The following ANKRD55 variants were observed in gnomAD, a reference collection of about 807,000 sequenced individuals.
ANKRD55 encodes ankyrin repeat domain 55, also known as ankyrin repeat domain-containing protein 55.
Under a neutral mutation model 60.6 loss-of-function variants are expected in ANKRD55, and 41 were observed. The observed-to-expected ratio is 0.68, with a 90% confidence interval of 0.53 to 0.88. The LOEUF is 0.88. ANKRD55 is among the 40% of genes least tolerant of loss of function. The probability of loss-of-function intolerance (pLI) is 0.00; values close to 1 mark genes in which losing one functional copy is unlikely to be tolerated. For missense variants in ANKRD55, 732 were observed against 767.6 expected, an observed-to-expected ratio of 0.95 and a Z score of 0.55; for synonymous variants, 264 against 290.3, an observed-to-expected ratio of 0.91 and a Z score of 0.92.
At chr5:56,133,925 A>G (rs1259618284) in intron 7 of ANKRD55, among the ~76,000 whole-genome samples, 2 of 114,356 alleles carry the variant, frequency 1.7e-5, no homozygotes, top group Non-Finnish European at 4.1e-5. Flanking sequence ...ATCCAAAATA[A>G]GCAGAAGAAA....
intron 10 of ANKRD55, among the ~76,000 whole-genome samples, 196 bp from the exon 11 acceptor site, chr5:56,102,782 G>T (rs903737563): frequency 1.3e-5 from 2 of 151,756 alleles, no homozygotes; most frequent in African/African-American, 4.8e-5. Context: ...GATAGAAAAA[G>T]GTACTAGAAA....
At chr5:56,109,001 C>T (rs930754648) in intron 10 of ANKRD55, among the ~76,000 whole-genome samples, 1 of 151,890 alleles carries the variant, frequency 6.6e-6, no homozygotes, top group South Asian at 2.1e-4. Flanking sequence ...CATGCCACTA[C>T]ACTCCAGCCT....
chr5:56,201,237 G>A (rs764261537), intron 2 of ANKRD55, among the ~76,000 whole-genome samples: 39 of 152,210 alleles, frequency 2.6e-4, no homozygotes, highest in Admixed American at 8.5e-4. Context: ...ACAAAGTGGC[G>A]TCTTTCCACC....
chr5:56,193,620 GAA>G (rs1581013230), intron 2 of ANKRD55: 2 of 308,798 alleles, frequency 6.5e-6, no homozygotes, highest in East Asian at 1.6e-4. Context: ...GCACAAAAGT[GAA>G]GTCAGGAAAC....
chr5:56,122,938 G>A (rs2111709041), intron 8 of ANKRD55, among the ~76,000 whole-genome samples: 1 of 151,894 alleles, frequency 6.6e-6, no homozygotes, highest in Middle Eastern at 3.4e-3. Context: ...GCTAATGTTT[G>A]TATTTTTTGT....
At chr5:56,108,289 C>G (rs541097254) in intron 10 of ANKRD55, 1 of 152,130 alleles carries the variant, frequency 6.6e-6, no homozygotes, top group Non-Finnish European at 1.5e-5. Context: ...GTCTTTGGAA[C>G]GGAAAAAGAA....
At chr5:56,163,459 A>G (rs1758380065) in intron 5 of ANKRD55, among the ~76,000 whole-genome samples, 1 of 152,080 alleles carries the variant, frequency 6.6e-6, no homozygotes, top group South Asian at 2.1e-4. Flanking sequence ...CTACACCCCC[A>G]TCAGCCAAGT....
intron 5 of ANKRD55, among the ~76,000 whole-genome samples, chr5:56,170,331 T>C (rs890334670): frequency 6.6e-6 from 1 of 152,348 alleles, no homozygotes; most frequent in East Asian, 1.9e-4. Flanking sequence ...GACTCTGTTT[T>C]ATTTACTGTA....
intron 2 of ANKRD55, among the ~76,000 whole-genome samples, chr5:56,199,493 A>G (rs548741494): frequency 2.6e-5 from 4 of 151,960 alleles, no homozygotes; most frequent in Non-Finnish European, 5.9e-5. Context: ...AGTCAGAAAA[A>G]TGTATTTTTA....
chr5:56,106,506 C>A (rs549858145), intron 10 of ANKRD55, among the ~76,000 whole-genome samples: 5 of 148,612 alleles, frequency 3.4e-5, no homozygotes, highest in Admixed American at 2.7e-4. Flanking sequence ...TCACTGCAAC[C>A]TCTGCCTCCT....
chr5:56,154,882 C>T (rs1478253385), intron 6 of ANKRD55, among the ~76,000 whole-genome samples: 1 of 152,106 alleles, frequency 6.6e-6, no homozygotes, highest in Non-Finnish European at 1.5e-5. Flanking sequence ...AGCCGTGGAG[C>T]CGGGCCTCAA....
chr5:56,126,463 C>T (rs1027949921), intron 8 of ANKRD55, among the ~76,000 whole-genome samples: 5 of 152,038 alleles, frequency 3.3e-5, no homozygotes, highest in Non-Finnish European at 7.4e-5. Flanking sequence ...CTTTGATGAT[C>T]GAAAACAACA....
intron 5 of ANKRD55, among the ~76,000 whole-genome samples, chr5:56,162,378 C>T (rs1186566613): frequency 6.6e-6 from 1 of 152,140 alleles, no homozygotes; most frequent in Non-Finnish European, 1.5e-5. Flanking sequence ...GCTCCCTTGC[C>T]CTTGGCTTCC....
At chr5:56,140,728 C>A (rs1179984529) in intron 7 of ANKRD55, among the ~76,000 whole-genome samples, 1 of 152,138 alleles carries the variant, frequency 6.6e-6, no homozygotes, top group Non-Finnish European at 1.5e-5. Flanking sequence ...TAAACCCTAG[C>A]TGCATATTAC....
intron 2 of ANKRD55, among the ~76,000 whole-genome samples, chr5:56,187,811 C>A (rs1759007605): frequency 6.6e-6 from 1 of 152,230 alleles, no homozygotes; most frequent in Non-Finnish European, 1.5e-5. Context: ...GATTCCATTT[C>A]TTGGAATACG....
At chr5:56,150,117 G>A (rs111728369) in intron 6 of ANKRD55, among the ~76,000 whole-genome samples, 5,304 of 152,192 alleles carry the variant, frequency 0.035, 113 homozygotes, top group Non-Finnish European at 0.053. Flanking sequence ...TAGGATTACA[G>A]GCGTGAGCCA....
intron 2 of ANKRD55, among the ~76,000 whole-genome samples, chr5:56,203,685 A>G (rs1160689482): frequency 3.3e-5 from 5 of 152,244 alleles, no homozygotes; most frequent in Non-Finnish European, 7.3e-5. Flanking sequence ...TTATGGCTGC[A>G]TAGTATTCCA....
chr5:56,149,303 G>A (rs1421098316), intron 6 of ANKRD55, among the ~76,000 whole-genome samples: 2 of 152,068 alleles, frequency 1.3e-5, no homozygotes, highest in African/African-American at 2.4e-5. Context: ...AGGAAGGGCT[G>A]CTAATAACGA....
chr5:56,188,782 T>C (rs160288), intron 2 of ANKRD55, among the ~76,000 whole-genome samples: 26,292 of 152,196 alleles, frequency 0.17, 2,749 homozygotes, highest in East Asian at 0.38. Flanking sequence ...TTTACATAGA[T>C]TTTGTGTATT....
Sources: allele counts gnomAD v4.1 joint callset (sites outside exome capture counted in the v4.1 genomes callset), GRCh38; gene constraint gnomAD v4.1.1; transcripts MANE v1.5; gene names NCBI Gene and HGNC (gene_info 2026-07-23, HGNC 2026-07-21).